ANGPT1: variants seen among roughly 807,000 people sequenced by gnomAD.
ANGPT1 encodes angiopoietin 1.
Under a neutral mutation model 62.2 loss-of-function variants are expected in ANGPT1, and 17 were observed. The observed-to-expected ratio is 0.27, with a 90% CI of 0.19 to 0.41. ANGPT1 has a LOEUF of 0.41. Among genes scored for constraint, ANGPT1 ranks in the 10% least tolerant of loss-of-function variants. The pLI, the probability that ANGPT1 is intolerant of heterozygous loss-of-function variation, is 1.00. For missense variants in ANGPT1, 478 were observed against 594.9 expected (o/e 0.80, Z 2.04); for synonymous variants, 199 against 198.9 (o/e 1.00, Z 0.00).
chr8:107,333,340 A>G (rs1815469740), intron 3 of ANGPT1, among the ~76,000 whole-genome samples: 1 of 152,162 alleles, frequency 6.6e-6, no homozygotes, highest in Non-Finnish European at 1.5e-5. Flanking sequence ...CACATGTGAG[A>G]TAATGCCATA....
Position 107,497,585 on chromosome 8 carries a change from C to T in ANGPT1, c.-27G>A, listed in dbSNP as rs1813146190. The T allele has an allele frequency of 6.3e-7, 1 of 1,598,012 alleles. No individual in the cohort carries two copies. Among genetic ancestry groups the T allele is most frequent in the Non-Finnish European group, 8.5e-7 (1 of 1,170,106 alleles). ...GTACTGCCAGCACACTCCTTCCGTG[C>T]CTCTCGCAAAACTTGCTCCTTTCTT... is the stretch of plus-strand genomic sequence containing the variant. On this transcript the variant is annotated 5_prime_UTR_variant, in exon 1 of 9. Coordinates refer to ENST00000517746, the MANE Select transcript of ANGPT1 (RefSeq NM_001146.5).
intron 4 of ANGPT1, among the ~76,000 whole-genome samples, chr8:107,310,993 ATG>A (rs890022919): frequency 7.3e-6 from 1 of 137,252 alleles, no homozygotes; most frequent in African/African-American, 2.8e-5. Flanking sequence ...GTGTGTGTGT[ATG>A]TGTGTGACTG....
intron 1 of ANGPT1, among the ~76,000 whole-genome samples, chr8:107,352,748 A>T (rs1257118088): frequency 6.6e-6 from 1 of 152,242 alleles, no homozygotes; most frequent in East Asian, 1.9e-4. Flanking sequence ...AATATGGTGC[A>T]GATTAAATGG....
chr8:107,362,801 A>G (rs1816193293), intron 1 of ANGPT1, among the ~76,000 whole-genome samples: 1 of 152,194 alleles, frequency 6.6e-6, no homozygotes, highest in African/African-American at 2.4e-5. Flanking sequence ...TTCTGTAAAA[A>G]AGGAAGAGTC....
intron 2 of ANGPT1, among the ~76,000 whole-genome samples, chr8:107,345,778 TC>T (rs575105059): frequency 3.0e-4 from 46 of 152,248 alleles, no homozygotes; most frequent in African/African-American, 1.0e-3. Flanking sequence ...AATATGTAGT[TC>T]CGTCCATCTC....
chr8:107,388,326 G>A (rs560936516), intron 1 of ANGPT1, among the ~76,000 whole-genome samples: 4 of 151,990 alleles, frequency 2.6e-5, no homozygotes, highest in Non-Finnish European at 5.9e-5. Context: ...GAGGTGGGAG[G>A]ATCACTTGAG....
intron 1 of ANGPT1, among the ~76,000 whole-genome samples, chr8:107,462,810 A>T (rs1007395447): frequency 2.0e-5 from 3 of 152,114 alleles, no homozygotes; most frequent in African/African-American, 7.2e-5. Context: ...ACCCTTCCCA[A>T]TCCAAAAACA....
chr8:107,309,132 C>T (rs1814790306), intron 4 of ANGPT1, among the ~76,000 whole-genome samples: 1 of 152,182 alleles, frequency 6.6e-6, no homozygotes, highest in Admixed American at 6.5e-5. Flanking sequence ...TTCTCTTACC[C>T]ATTTTCTGAT....
chr8:107,442,387 A>G (rs979227941), intron 1 of ANGPT1, among the ~76,000 whole-genome samples: 1 of 152,208 alleles, frequency 6.6e-6, no homozygotes, highest in Non-Finnish European at 1.5e-5. Context: ...GTTACCATCT[A>G]ATCTAGTTTC....
chr8:107,282,553 CATATAT>C (rs753412026), intron 7 of ANGPT1, among the ~76,000 whole-genome samples: 9,485 of 50,898 alleles, frequency 0.19, 897 homozygotes, highest in Middle Eastern at 0.25. Flanking sequence ...ATATATGAAC[CATATAT>C]ATATATATAT....
intron 1 of ANGPT1, among the ~76,000 whole-genome samples, chr8:107,382,588 C>T (rs1563597209): frequency 6.6e-6 from 1 of 152,006 alleles, no homozygotes; most frequent in Non-Finnish European, 1.5e-5. Flanking sequence ...GGCATAAATA[C>T]TTCCCACACA....
chr8:107,290,317 T>C (rs1396085783), intron 6 of ANGPT1, among the ~76,000 whole-genome samples: 1 of 152,086 alleles, frequency 6.6e-6, no homozygotes. Flanking sequence ...TCTGCACTCA[T>C]TGCCCAAGGA....
intron 1 of ANGPT1, among the ~76,000 whole-genome samples, chr8:107,363,861 T>C (rs1816217955): frequency 6.6e-6 from 1 of 152,192 alleles, no homozygotes; most frequent in Non-Finnish European, 1.5e-5. Flanking sequence ...AAGCCTCAAC[T>C]TCCTCATCTG....
intron 5 of ANGPT1, among the ~76,000 whole-genome samples, chr8:107,297,945 T>C (rs574891349): frequency 6.6e-6 from 1 of 152,004 alleles, no homozygotes; most frequent in African/African-American, 2.4e-5. Context: ...CATGAAAGAC[T>C]TGAAAAGTTC....
At chr8:107,275,917 G>T (rs191305690) in intron 7 of ANGPT1, among the ~76,000 whole-genome samples, 1 of 152,100 alleles carries the variant, frequency 6.6e-6, no homozygotes, top group East Asian at 1.9e-4. Flanking sequence ...GAATCCTCTG[G>T]GAATCCTTAG....
At chr8:107,388,095 T>C (rs574617342) in intron 1 of ANGPT1, among the ~76,000 whole-genome samples, 62 of 152,282 alleles carry the variant, frequency 4.1e-4, no homozygotes, top group African/African-American at 1.5e-3. Flanking sequence ...AACTAATTCA[T>C]ATTTTCACAA....
At chr8:107,391,173 C>T (rs1046559857) in intron 1 of ANGPT1, among the ~76,000 whole-genome samples, 3 of 152,014 alleles carry the variant, frequency 2.0e-5, no homozygotes, top group Non-Finnish European at 2.9e-5. Context: ...AATCTGTGGC[C>T]CTAAGATGTA....
At chr8:107,437,564 T>G (rs1811364391) in intron 1 of ANGPT1, among the ~76,000 whole-genome samples, 1 of 152,146 alleles carries the variant, frequency 6.6e-6, no homozygotes. Flanking sequence ...GAGTGCTAAA[T>G]GTGTAAGTCA....
At chr8:107,373,469 G>A (rs1324876152) in intron 1 of ANGPT1, among the ~76,000 whole-genome samples, 2 of 152,168 alleles carry the variant, frequency 1.3e-5, no homozygotes, top group African/African-American at 2.4e-5. Flanking sequence ...AGCAAATGCA[G>A]TGCTGTTGGG....
Sources: gnomAD v4.1 joint callset for allele counts (sites outside exome capture counted in the v4.1 genomes callset) on GRCh38, gnomAD v4.1.1 for gene constraint, MANE v1.5 for transcripts, NCBI Gene and HGNC (gene_info 2026-07-23, HGNC 2026-07-21) for gene names.